Variants in CUBN observed in about 807,000 individuals in gnomAD.
The protein encoded by CUBN is cubilin.
Under a neutral mutation model 405.3 loss-of-function variants are expected in CUBN, and 282 were observed. That is an observed-to-expected ratio of 0.70 (90% CI 0.63 to 0.77). The LOEUF (loss-of-function observed/expected upper bound fraction) is 0.77, where lower values mean the gene tolerates loss of function less well. CUBN is among the 30% of genes least tolerant of loss of function. CUBN has a pLI of 0.00. For missense variants in CUBN, 4,514 were observed against 4,475.2 expected (o/e 1.01, Z -0.25); for synonymous variants, 1,684 against 1,617.0 (o/e 1.04, Z -0.99).
At chr10:17,108,280 T>G (rs1012984811) in intron 10 of CUBN, among the ~76,000 whole-genome samples, 1 of 152,098 alleles carries the variant, frequency 6.6e-6, no homozygotes, top group African/African-American at 2.4e-5. Flanking sequence ...TAAAATCTGG[T>G]GGAGCCCAGG....
chr10:16,906,134 G>A lies in CUBN; in HGVS notation c.7912+69C>T, dbSNP rs556161519. 2.7e-4 allele frequency: 343 copies of A among 1,267,312 alleles called. 1 individual carries two copies. The African/African-American group carries it at 4.0e-3, about 15-fold the overall frequency. 78.5% of individuals were successfully genotyped at this position (1,267,312 alleles called of 1,614,324 possible). A position where few individuals can be genotyped will look rare whatever the true frequency, so the allele number is the denominator to read the frequency against. On this transcript the variant is annotated intron_variant, in intron 50 of 66. Coordinates refer to ENST00000377833, the MANE Select transcript of CUBN (RefSeq NM_001081.4). The stretch of plus-strand genomic sequence containing the variant: ...GTCTCAAAACAACAACAACAGCAGC[G>A]ACAACAACAAAAAAGATAAAAAGAA...
At chr10:17,046,511 T>C (rs1471918662) in intron 23 of CUBN, among the ~76,000 whole-genome samples, 1 of 152,180 alleles carries the variant, frequency 6.6e-6, no homozygotes, top group Non-Finnish European at 1.5e-5. Flanking sequence ...TGAAATGTAA[T>C]ATATCATATT....
chr10:17,007,200 C>G (rs1834050521), intron 28 of CUBN, among the ~76,000 whole-genome samples: 1 of 150,244 alleles, frequency 6.7e-6, no homozygotes, highest in Non-Finnish European at 1.5e-5. Context: ...CCCCTGCAAC[C>G]CAGATGGAGG....
At chr10:16,863,993 T>C (rs2131358088) in intron 59 of CUBN, among the ~76,000 whole-genome samples, 1 of 152,304 alleles carries the variant, frequency 6.6e-6, no homozygotes, top group South Asian at 2.1e-4. Flanking sequence ...TTTACCTCCC[T>C]GTGTAGAGCT....
intron 66 of CUBN, among the ~76,000 whole-genome samples, chr10:16,827,221 C>A (rs1051459989): frequency 6.6e-6 from 1 of 152,150 alleles, no homozygotes; most frequent in African/African-American, 2.4e-5. Context: ...TTAGGCCACA[C>A]TCGTGCAACG....
intron 27 of CUBN, among the ~76,000 whole-genome samples, chr10:17,028,230 TTATTA>T (rs1834714419): frequency 1.7e-4 from 1 of 5,918 alleles, no homozygotes; most frequent in Non-Finnish European, 1.8e-3. Flanking sequence ...TAAACATTTA[TTATTA>T]TTATTATTAT....
chr10:17,123,777 C>T, intron 4 of CUBN, 88 bp from the exon 5 acceptor site: 1 of 846,666 alleles, frequency 1.2e-6, no homozygotes, highest in South Asian at 1.4e-5. Flanking sequence ...TTACATTTAA[C>T]TCTTAATCAG....
intron 31 of CUBN, among the ~76,000 whole-genome samples, chr10:16,959,022 C>T (rs912089043): frequency 1.3e-5 from 2 of 152,118 alleles, no homozygotes; most frequent in African/African-American, 2.4e-5. Flanking sequence ...GGCAGAAGTG[C>T]AGAAGAGAGA....
chr10:17,067,740 G>C (rs909291889), intron 21 of CUBN, among the ~76,000 whole-genome samples: 1 of 152,142 alleles, frequency 6.6e-6, no homozygotes, highest in African/African-American at 2.4e-5. Context: ...CGAATCTACA[G>C]AGATAGAAAG....
At chr10:16,962,775 C>A (rs957886538) in intron 31 of CUBN, among the ~76,000 whole-genome samples, 1 of 152,166 alleles carries the variant, frequency 6.6e-6, no homozygotes, top group Non-Finnish European at 1.5e-5. Flanking sequence ...CAGCCAACAG[C>A]CTGCAAGGAA....
intron 48 of CUBN, among the ~76,000 whole-genome samples, chr10:16,911,716 T>G (rs1309316105): frequency 6.6e-6 from 1 of 152,210 alleles, no homozygotes; most frequent in Non-Finnish European, 1.5e-5. Flanking sequence ...TGATTTAAAC[T>G]ATGAAAATAA....
At position 16,923,619 on chromosome 10, in the gene CUBN, C is replaced by A. The variant is rs183221998; in HGVS notation, c.6646+1622G>T. 1.0e-3 allele frequency among the ~76,000 whole-genome samples: 152 copies of A among 152,282 alleles called. 1 individual carries two copies. The highest frequency in any genetic ancestry group is 1.9e-3 in the Non-Finnish European group (129 of 68,028). On this transcript the variant is annotated intron_variant, in intron 43 of 66. Coordinates refer to ENST00000377833, the MANE Select transcript of CUBN (RefSeq NM_001081.4). ...TGATGTTAACAGCAGTCATAATAAG[C>A]TTCAAGAAAGACAGGGAGAAAGTAA...
intron 65 of CUBN, among the ~76,000 whole-genome samples, chr10:16,829,924 G>T (rs543999653): frequency 7.5e-6 from 1 of 132,786 alleles, no homozygotes; most frequent in Non-Finnish European, 1.6e-5. Flanking sequence ...CGGGTTCATG[G>T]TGGGTTTTTT....
Position 16,986,889 on chromosome 10 carries a change from G to A in CUBN, c.4351-2610C>T, listed in dbSNP as rs140040554. Among the ~76,000 whole-genome samples the A allele has an allele frequency of 5.5e-4, 83 of 152,234 alleles. 1 individual carries two copies. In the East Asian group the frequency reaches 0.01, roughly 19 times the overall value. ...TTCTAACAAAGAAAACTCGCACGTC[G>A]GCAAAATATTCTTTGTTTTCTCTGC... On this transcript the variant is annotated intron_variant, in intron 29 of 66. Transcript: ENST00000377833.
intron 64 of CUBN, 101 bp from the exon 65 acceptor site, chr10:16,831,518 T>C (rs1215349720): frequency 9.9e-6 from 11 of 1,110,714 alleles, no homozygotes; most frequent in Non-Finnish European, 1.5e-5. Context: ...TCGGAAAAGC[T>C]TTGTCTTTTT....
At chr10:16,962,159 T>C (rs1019855378) in intron 31 of CUBN, among the ~76,000 whole-genome samples, 1 of 152,168 alleles carries the variant, frequency 6.6e-6, no homozygotes, top group Non-Finnish European at 1.5e-5. Context: ...ATCTGCAAAA[T>C]TGGATTAATA....
intron 36 of CUBN, among the ~76,000 whole-genome samples, chr10:16,943,847 T>A (rs1022922964): frequency 5.3e-5 from 8 of 152,210 alleles, no homozygotes; most frequent in Non-Finnish European, 8.8e-5. Context: ...ACTTGACTAC[T>A]GCAATCCAGT....
Position 16,990,473 on chromosome 10 carries a change from CT to C in CUBN, c.4210del (p.Ser1404AlafsTer59), listed in dbSNP as rs1833551758. 1.2e-6 allele frequency: 2 copies of C among 1,614,088 alleles called. No homozygotes were observed. Among genetic ancestry groups the C allele is most frequent in the African/African-American group, 2.7e-5 (2 of 74,930 alleles). ...ELSGATGSFS[S>X]PGFPNRYPPN... ...TGGATACCTGTTGGGGAACCCGGGGCTGCTGAAGGAGCCTGTGGCCCCAGAC... is the reference window on the plus strand; with the variant it reads ...TGGATACCTGTTGGGGAACCCGGGGCGCTGAAGGAGCCTGTGGCCCCAGAC... On this transcript the variant is annotated frameshift_variant, in exon 29 of 67. Transcript: ENST00000377833. LOFTEE classifies it high-confidence loss of function.
intron 62 of CUBN, among the ~76,000 whole-genome samples, chr10:16,838,648 G>A (rs1839249201): frequency 6.6e-6 from 1 of 152,100 alleles, no homozygotes; most frequent in Non-Finnish European, 1.5e-5. Context: ...AATGGATTTT[G>A]TTGTTGTTGT....
Sources: gnomAD v4.1 joint callset for allele counts (sites outside exome capture counted in the v4.1 genomes callset) on GRCh38, gnomAD v4.1.1 for gene constraint, MANE v1.5 for transcripts, NCBI Gene and HGNC (gene_info 2026-07-23, HGNC 2026-07-21) for gene names.